PLXNA4: variants seen among roughly 807,000 people sequenced by gnomAD.
PLXNA4 encodes the protein plexin A4.
PLXNA4 carries 44 observed loss-of-function variants against 191.8 expected under a neutral mutation model. The ratio of observed to expected loss-of-function variants is 0.23; its 90% CI spans 0.18 to 0.29. PLXNA4 has a LOEUF of 0.29. Among genes scored for constraint, PLXNA4 ranks in the 10% least tolerant of loss-of-function variants. The pLI is 1.00. For synonymous variants in PLXNA4, 1,082 were observed against 1,009.5 expected (o/e 1.07, Z -1.36); for missense variants, 1,800 against 2,488.8 (o/e 0.72, Z 5.89).
Position 132,124,249 on chromosome 7 carries a change from T to G in PLXNA4, c.*6230A>C, listed in dbSNP as rs924367830. The G allele has an allele frequency of 6.6e-6, 1 of 152,234 alleles. No individual in the cohort carries two copies. The highest frequency in any genetic ancestry group is 6.5e-5 in the Admixed American group (1 of 15,284). 9.4% of individuals were successfully genotyped at this position (152,234 alleles called of 1,614,324 possible). A position where few individuals can be genotyped will look rare whatever the true frequency, so the allele number is the denominator to read the frequency against. On this transcript the variant is annotated 3_prime_UTR_variant, in exon 32 of 32. Transcript: ENST00000321063. ...TTTGAGGTAAGCTAGCTTTTCATTT[T>G]AAGAACAGAAGGTTTAACAAGTCAA...
intron 3 of PLXNA4, among the ~76,000 whole-genome samples, chr7:132,364,956 T>C (rs967632128): frequency 6.6e-6 from 1 of 152,160 alleles, no homozygotes; most frequent in Non-Finnish European, 1.5e-5. Context: ...AAAAGCACAA[T>C]GTAAGCTCTC....
intron 24 of PLXNA4, among the ~76,000 whole-genome samples, chr7:132,163,479 C>T (rs1328857980): frequency 6.6e-6 from 1 of 152,230 alleles, no homozygotes; most frequent in African/African-American, 2.4e-5. Context: ...TGCCCCAATT[C>T]ACCCTGTTGG....
chr7:132,461,063 C>A (rs1404006534), intron 3 of PLXNA4, among the ~76,000 whole-genome samples: 1 of 152,100 alleles, frequency 6.6e-6, no homozygotes, highest in South Asian at 2.1e-4. Flanking sequence ...CAGTAAGATT[C>A]AAGAGGACTT....
At chr7:132,353,990 T>C (rs1208620024) in intron 3 of PLXNA4, among the ~76,000 whole-genome samples, 1 of 152,124 alleles carries the variant, frequency 6.6e-6, no homozygotes, top group Admixed American at 6.5e-5. Flanking sequence ...TCTTCTCCCG[T>C]CCAACCCCCA....
chr7:132,261,178 G>A (rs1799628273), intron 4 of PLXNA4, among the ~76,000 whole-genome samples: 2 of 152,232 alleles, frequency 1.3e-5, no homozygotes, highest in South Asian at 4.1e-4. Flanking sequence ...CATGGAAGAA[G>A]GGGAAGGAGC....
chr7:132,588,491 A>G (rs1245858600), intron 2 of PLXNA4, among the ~76,000 whole-genome samples: 1 of 152,080 alleles, frequency 6.6e-6, no homozygotes, highest in East Asian at 1.9e-4. Context: ...TCTTCGCCAG[A>G]AAATAAAACT....
At chr7:132,564,515 C>T (rs1801623463) in intron 1 of PLXNA4, among the ~76,000 whole-genome samples, 1 of 152,132 alleles carries the variant, frequency 6.6e-6, no homozygotes, top group Non-Finnish European at 1.5e-5. Flanking sequence ...GTCTCACTCT[C>T]TGACACATTG....
chr7:132,390,214 A>C (rs1015113053), intron 3 of PLXNA4, among the ~76,000 whole-genome samples: 27 of 152,304 alleles, frequency 1.8e-4, no homozygotes, highest in African/African-American at 6.0e-4. Context: ...TGGCCCATAC[A>C]TACCATGGAA....
At chr7:132,563,214 C>T (rs916433187) in intron 1 of PLXNA4, among the ~76,000 whole-genome samples, 1 of 109,738 alleles carries the variant, frequency 9.1e-6, no homozygotes, top group East Asian at 3.2e-4. Context: ...TCCTCCTCCT[C>T]CTCCTTCTCC....
intron 2 of PLXNA4, among the ~76,000 whole-genome samples, chr7:132,604,563 A>T (rs1802887610): frequency 6.6e-6 from 1 of 152,188 alleles, no homozygotes; most frequent in Non-Finnish European, 1.5e-5. Context: ...TTTTCAATAA[A>T]CAGTAAACAT....
rs557309933 is a variant in PLXNA4 at position 132,130,303 on chromosome 7, G to A, written c.*176C>T. ...TCGTGTTGGCAGAGCAACTGGAAGAGAAGAGATCCAGGAAGGAGGGAGAAA... is the reference window on the plus strand; with the variant it reads ...TCGTGTTGGCAGAGCAACTGGAAGAAAAGAGATCCAGGAAGGAGGGAGAAA... On this transcript the variant is annotated 3_prime_UTR_variant, in exon 32 of 32. Transcript: ENST00000321063. The A allele has an allele frequency of 3.4e-6, 3 of 889,954 alleles. No homozygotes were observed. Among genetic ancestry groups the A allele is most frequent in the Non-Finnish European group, 5.0e-6 (3 of 596,760 alleles). 55.1% of individuals were successfully genotyped at this position (889,954 alleles called of 1,614,324 possible). A position where few individuals can be genotyped will look rare whatever the true frequency, so the allele number is the denominator to read the frequency against.
intron 30 of PLXNA4, among the ~76,000 whole-genome samples, chr7:132,138,613 T>C (rs1263874994): frequency 2.0e-5 from 3 of 152,168 alleles, no homozygotes; most frequent in Non-Finnish European, 4.4e-5. Flanking sequence ...GAGAAAAGAT[T>C]TGGGGCTTCA....
chr7:132,606,796 C>T (rs1484169039), intron 2 of PLXNA4, among the ~76,000 whole-genome samples: 1 of 152,136 alleles, frequency 6.6e-6, no homozygotes, highest in African/African-American at 2.4e-5. Flanking sequence ...TGATATATGG[C>T]AAAAAATTTC....
Position 132,202,601 on chromosome 7 carries a change from C to A in PLXNA4, c.2586+45G>T, listed in dbSNP as rs1471421109. On this transcript the variant is annotated intron_variant, in intron 12 of 31. Coordinates refer to ENST00000321063, the MANE Select transcript of PLXNA4 (RefSeq NM_020911.2). Reference sequence around the variant, plus strand: ...GTTTCCACAGGGTGTGGCACAGCAGCCTGGAGCCTGCCCATTTGGAGCAGG... The same window carrying A: ...GTTTCCACAGGGTGTGGCACAGCAGACTGGAGCCTGCCCATTTGGAGCAGG... 3 of 1,435,220 alleles carry A rather than the reference C, an allele frequency of 2.1e-6. No homozygotes were observed. In the African/African-American group the frequency reaches 4.4e-5, roughly 21 times the overall value. 88.9% of individuals were successfully genotyped at this position (1,435,220 alleles called of 1,614,324 possible).
chr7:132,223,771 C>G lies in PLXNA4; in HGVS notation c.1983-130G>C. ...ACCACCGTTGAATGTGCAGGAAGGG[C>G]AGATCTTATGCACATCTATCCCTTT... On this transcript the variant is annotated intron_variant, in intron 8 of 31. Coordinates refer to ENST00000321063, the MANE Select transcript of PLXNA4 (RefSeq NM_020911.2). 4.4e-6 allele frequency: 3 copies of G among 686,452 alleles called. No individual in the cohort carries two copies. In the Admixed American group the frequency reaches 6.6e-5, roughly 15 times the overall value. The allele number at this position is 686,452 out of a possible 1,614,324, so 42.5% of individuals were successfully genotyped here. A position where few individuals can be genotyped will look rare whatever the true frequency, so the allele number is the denominator to read the frequency against.
intron 2 of PLXNA4, among the ~76,000 whole-genome samples, chr7:132,586,473 G>A (rs990935641): frequency 2.6e-5 from 4 of 152,212 alleles, no homozygotes; most frequent in Middle Eastern, 3.2e-3. Flanking sequence ...CACTCAGGCC[G>A]GGCATGGTGG....
Position 132,381,393 on chromosome 7 carries a change from T to C in PLXNA4, c.1372-83171A>G, listed in dbSNP as rs573142267. Among the ~76,000 whole-genome samples the C allele has an allele frequency of 8.5e-5, 13 of 152,306 alleles. No individual in the cohort carries two copies. The East Asian group carries it at 2.3e-3, about 27-fold the overall frequency. On this transcript the variant is annotated intron_variant, in intron 3 of 31. Coordinates refer to ENST00000321063, the MANE Select transcript of PLXNA4 (RefSeq NM_020911.2). The stretch of plus-strand genomic sequence containing the variant: ...AAGATATAAGATAAAAAAGAAGTGA[T>C]TCAAAATGTCAAATGGCCAAATAAG...
At chr7:132,208,386 A>G (rs574511765) in intron 10 of PLXNA4, among the ~76,000 whole-genome samples, 1 of 152,242 alleles carries the variant, frequency 6.6e-6, no homozygotes, top group African/African-American at 2.4e-5. Context: ...TTAAAAAGTC[A>G]TGGAGGCAAA....
chr7:132,296,073 C>A (rs544454667), intron 4 of PLXNA4, among the ~76,000 whole-genome samples: 7 of 152,298 alleles, frequency 4.6e-5, no homozygotes, highest in Admixed American at 3.3e-4. Context: ...CAAGAATCCA[C>A]AAGCCCAGTG....
Sources: gnomAD v4.1 joint callset for allele counts (sites outside exome capture counted in the v4.1 genomes callset) on GRCh38, gnomAD v4.1.1 for gene constraint, MANE v1.5 for transcripts, NCBI Gene and HGNC (gene_info 2026-07-23, HGNC 2026-07-21) for gene names.